The following PRELID2 variants were observed in gnomAD, a reference collection of about 807,000 sequenced individuals.
PRELID2 encodes the protein PRELI domain-containing protein 2.
In PRELID2, 25 loss-of-function variants were observed where a neutral mutation model predicts 28.4. The observed-to-expected ratio is 0.88, with a 90% CI of 0.64 to 1.23. The LOEUF is 1.23. Among genes scored for constraint, PRELID2 ranks in the 50% most tolerant of loss-of-function variants. The pLI, the probability that PRELID2 is intolerant of heterozygous loss-of-function variation, is 0.00. For synonymous variants in PRELID2, 76 were observed against 71.6 expected, an observed-to-expected ratio of 1.06 and a Z score of -0.31; for missense variants, 201 against 214.4, an observed-to-expected ratio of 0.94 and a Z score of 0.39.
intron 1 of PRELID2, among the ~76,000 whole-genome samples, chr5:145,722,110 T>G (rs1011777243): frequency 1.3e-5 from 2 of 152,052 alleles, no homozygotes; most frequent in Non-Finnish European, 2.9e-5. Context: ...GTATCAAACA[T>G]TAAACCCTGA....
At chr5:145,306,321 C>T in the PRELID2 span, among the ~76,000 whole-genome samples, 3 of 151,978 alleles carry the variant, frequency 2.0e-5, no homozygotes, top group South Asian at 6.2e-4. Flanking sequence ...GAACACTTGC[C>T]TTCAGAATAG....
the PRELID2 span, among the ~76,000 whole-genome samples, chr5:145,300,839 G>A: frequency 1.3e-5 from 2 of 149,090 alleles, no homozygotes; most frequent in Admixed American, 6.8e-5. Context: ...TGTATTTATT[G>A]TTAAGGAAGT....
chr5:145,762,401 G>A (rs1168743286), intron 6 of PRELID2, among the ~76,000 whole-genome samples: 1 of 151,710 alleles, frequency 6.6e-6, no homozygotes, highest in African/African-American at 2.4e-5. Flanking sequence ...GCCAGGTGTG[G>A]TGGTGCACGC....
the PRELID2 span, among the ~76,000 whole-genome samples, chr5:145,344,593 T>A: frequency 6.6e-6 from 1 of 152,028 alleles, no homozygotes. Context: ...AATTGTTGGA[T>A]CAAAAAACAG....
intron 1 of PRELID2, among the ~76,000 whole-genome samples, chr5:145,743,573 G>T (rs13162113): frequency 0.76 from 114,742 of 151,584 alleles, 45,320 homozygotes; most frequent in East Asian, 0.88. Context: ...TGGTGTGGCG[G>T]ACCACCAGAA....
chr5:145,384,775 C>T, the PRELID2 span, among the ~76,000 whole-genome samples: 1 of 152,090 alleles, frequency 6.6e-6, no homozygotes, highest in South Asian at 2.1e-4. Flanking sequence ...AAGCAGGAGG[C>T]AGAGAAAGAC....
chr5:145,229,482 T>C, the PRELID2 span: 4 of 1,023,210 alleles, frequency 3.9e-6, no homozygotes, highest in Non-Finnish European at 6.1e-6. Flanking sequence ...ACCCCTGACA[T>C]TCTCAAGATC....
At chr5:145,703,478 G>T (rs147393262) in intron 1 of PRELID2, among the ~76,000 whole-genome samples, 1 of 152,240 alleles carries the variant, frequency 6.6e-6, no homozygotes, top group African/African-American at 2.4e-5. Flanking sequence ...CCAGTTTCAA[G>T]CCACACATGC....
the PRELID2 span, among the ~76,000 whole-genome samples, chr5:145,464,127 C>G: frequency 1.3e-5 from 2 of 152,110 alleles, no homozygotes; most frequent in Non-Finnish European, 2.9e-5. Flanking sequence ...AGATAGGAAA[C>G]CATGCCCCTT....
intron 4 of PRELID2, among the ~76,000 whole-genome samples, chr5:145,799,411 CTACTA>C (rs1274418590): frequency 1.3e-5 from 2 of 152,064 alleles, no homozygotes; most frequent in African/African-American, 2.4e-5. Flanking sequence ...GACTGCATGG[CTACTA>C]TATGCTAAGT....
the PRELID2 span, among the ~76,000 whole-genome samples, chr5:145,301,745 C>T: frequency 6.6e-3 from 999 of 152,204 alleles, 13 homozygotes; most frequent in African/African-American, 0.023. Context: ...TTCCTTTCCT[C>T]ATTAAATTTC....
intron 1 of PRELID2, among the ~76,000 whole-genome samples, chr5:145,639,915 G>A (rs1195460321): frequency 6.6e-6 from 1 of 152,134 alleles, no homozygotes; most frequent in Admixed American, 6.5e-5. Context: ...AAAAGCAGTT[G>A]AAGCTGATGA....
the PRELID2 span, among the ~76,000 whole-genome samples, chr5:145,280,803 GAAA>G: frequency 2.1e-5 from 3 of 142,898 alleles, no homozygotes; most frequent in Non-Finnish European, 3.1e-5. Context: ...ATTGATTCAT[GAAA>G]AAAAAAAAAA....
chr5:145,675,123 A>G (rs1754788393), intron 1 of PRELID2, among the ~76,000 whole-genome samples: 1 of 152,106 alleles, frequency 6.6e-6, no homozygotes, highest in Non-Finnish European at 1.5e-5. Context: ...TTAATTTAAA[A>G]TTTTTTAAAC....
chr5:145,391,681 TTTG>T, the PRELID2 span, among the ~76,000 whole-genome samples: 1 of 151,880 alleles, frequency 6.6e-6, no homozygotes, highest in Non-Finnish European at 1.5e-5. Flanking sequence ...TAGAAAATGT[TTTG>T]TTTTTTTTTT....
At chr5:145,304,002 A>G in the PRELID2 span, among the ~76,000 whole-genome samples, 45 of 152,296 alleles carry the variant, frequency 3.0e-4, no homozygotes, top group African/African-American at 1.0e-3. Context: ...TGCCTTCTTA[A>G]TCTATCTCCC....
At chr5:145,716,481 T>C (rs1289057572) in intron 1 of PRELID2, among the ~76,000 whole-genome samples, 9 of 152,188 alleles carry the variant, frequency 5.9e-5, no homozygotes, top group Admixed American at 5.9e-4. Flanking sequence ...CAAGTCAAGA[T>C]TTCTTCTTCT....
the PRELID2 span, among the ~76,000 whole-genome samples, chr5:145,453,495 G>A: frequency 6.6e-6 from 1 of 151,904 alleles, no homozygotes; most frequent in Non-Finnish European, 1.5e-5. Flanking sequence ...TTAAGTTCTG[G>A]GATACATGTG....
At chr5:145,716,238 G>T (rs777390366) in intron 1 of PRELID2, among the ~76,000 whole-genome samples, 4 of 152,250 alleles carry the variant, frequency 2.6e-5, no homozygotes, top group Admixed American at 1.3e-4. Flanking sequence ...TATATGTAGC[G>T]ACTAGAATAG....
Sources: gnomAD v4.1 joint callset for allele counts (sites outside exome capture counted in the v4.1 genomes callset) on GRCh38, gnomAD v4.1.1 for gene constraint, MANE v1.5 for transcripts, NCBI Gene and HGNC (gene_info 2026-07-23, HGNC 2026-07-21) for gene names.